The following ZNF704 variants were observed in gnomAD, a reference collection of about 807,000 sequenced individuals.
ZNF704 encodes the protein zinc finger protein 704.
ZNF704 carries 10 observed loss-of-function variants against 44.7 expected under a neutral mutation model. The observed-to-expected ratio is 0.22, with a 90% CI of 0.14 to 0.38. The LOEUF (loss-of-function observed/expected upper bound fraction) is 0.38. Among genes scored for constraint, ZNF704 ranks in the 10% least tolerant of loss-of-function variants. ZNF704 has a pLI of 1.00. For synonymous variants in ZNF704, 211 were observed against 207.6 expected (o/e 1.02, Z -0.14); for missense variants, 390 against 545.5 (o/e 0.71, Z 2.84).
intron 7 of ZNF704, among the ~76,000 whole-genome samples, chr8:80,656,741 G>A (rs1329674871): frequency 6.6e-6 from 1 of 152,170 alleles, no homozygotes; most frequent in East Asian, 1.9e-4. Context: ...TCTAGGAAGT[G>A]TACAAAAGTA....
intron 4 of ZNF704, among the ~76,000 whole-genome samples, chr8:80,676,923 C>G (rs775011596): frequency 6.6e-6 from 1 of 152,160 alleles, no homozygotes; most frequent in Non-Finnish European, 1.5e-5. Flanking sequence ...TGCTGTGTGG[C>G]GGGGTTCCTA....
chr8:80,822,245 T>G (rs1263888367), intron 1 of ZNF704, among the ~76,000 whole-genome samples: 1 of 152,018 alleles, frequency 6.6e-6, no homozygotes, highest in Non-Finnish European at 1.5e-5. Context: ...ACATTAGGTA[T>G]ATCTCCTAAT....
chr8:80,644,702 G>A (rs1352814133), intron 7 of ZNF704, among the ~76,000 whole-genome samples: 1 of 152,192 alleles, frequency 6.6e-6, no homozygotes, highest in Non-Finnish European at 1.5e-5. Flanking sequence ...GGCTTCTGGG[G>A]TCACACTCAG....
chr8:80,681,198 G>C (rs994461441), intron 4 of ZNF704, among the ~76,000 whole-genome samples: 2 of 152,080 alleles, frequency 1.3e-5, no homozygotes, highest in Non-Finnish European at 2.9e-5. Context: ...AAGTTTTTTT[G>C]TGGACATGTG....
At chr8:80,780,074 T>C (rs753345173) in intron 2 of ZNF704, among the ~76,000 whole-genome samples, 7 of 151,862 alleles carry the variant, frequency 4.6e-5, no homozygotes, top group Non-Finnish European at 8.8e-5. Flanking sequence ...GTCATGGTGA[T>C]AAGGATGGAG....
intron 2 of ZNF704, among the ~76,000 whole-genome samples, chr8:80,715,654 A>G (rs78283263): frequency 6.6e-6 from 1 of 152,204 alleles, no homozygotes; most frequent in East Asian, 1.9e-4. Context: ...ACTCCTTTGG[A>G]GAACTTTAAA....
intron 7 of ZNF704, chr8:80,645,112 G>A (rs1045515144): frequency 3.7e-5 from 59 of 1,599,092 alleles, no homozygotes; most frequent in Non-Finnish European, 4.9e-5. Context: ...AGCATGACAT[G>A]TCGATACTCA....
chr8:80,670,390 G>T, intron 5 of ZNF704, 113 bp downstream of exon 5: 1 of 739,852 alleles, frequency 1.4e-6, no homozygotes. Flanking sequence ...GGAAGACCAA[G>T]CCAGCCCAGT....
chr8:80,718,707 C>T (rs1345260728), intron 2 of ZNF704, among the ~76,000 whole-genome samples: 2 of 152,172 alleles, frequency 1.3e-5, no homozygotes, highest in Admixed American at 6.5e-5. Context: ...CAACCCACCC[C>T]CAAACAACCT....
intron 1 of ZNF704, among the ~76,000 whole-genome samples, chr8:80,836,592 C>A (rs1191095589): frequency 6.6e-6 from 1 of 151,886 alleles, no homozygotes; most frequent in Non-Finnish European, 1.5e-5. Context: ...GCCTGGGAAA[C>A]CTGGCAACCC....
rs1463549024 is a variant in ZNF704, at chr8:80,632,351, G to A, written c.*9015C>T. On this transcript the variant is annotated 3_prime_UTR_variant, in exon 9 of 9. Transcript: ENST00000327835. ...ATTTTTGTATTTTTAGTAAAGACAG[G>A]GTTTCCCTCTTTCTTCTTTTGTTTT... 1 of 152,094 alleles carries A rather than the reference G, an allele frequency of 6.6e-6. No homozygotes were observed. The highest frequency in any genetic ancestry group is 1.5e-5 in the Non-Finnish European group (1 of 68,046). The allele number at this position is 152,094 out of a possible 1,614,324, so 9.4% of individuals were successfully genotyped here. A position where few individuals can be genotyped will look rare whatever the true frequency, so the allele number is the denominator to read the frequency against.
chr8:80,667,206 G>A (rs569561411), intron 5 of ZNF704, among the ~76,000 whole-genome samples: 4 of 152,284 alleles, frequency 2.6e-5, no homozygotes, highest in African/African-American at 9.6e-5. Context: ...GTGAGAACAG[G>A]GCAGAGGCAA....
chr8:80,725,714 A>G (rs1018276942), intron 2 of ZNF704, among the ~76,000 whole-genome samples: 1 of 152,174 alleles, frequency 6.6e-6, no homozygotes, highest in Non-Finnish European at 1.5e-5. Flanking sequence ...GACTGTACAT[A>G]TAAGTTTTTG....
At chr8:80,797,031 C>T (rs1396705556) in intron 2 of ZNF704, among the ~76,000 whole-genome samples, 1 of 142,034 alleles carries the variant, frequency 7.0e-6, no homozygotes, top group Admixed American at 7.0e-5. Context: ...GAGGGAATAG[C>T]CCAAAAGATA....
intron 2 of ZNF704, among the ~76,000 whole-genome samples, chr8:80,775,091 G>A (rs1807389006): frequency 1.3e-5 from 2 of 152,048 alleles, no homozygotes; most frequent in Admixed American, 1.3e-4. Flanking sequence ...TTCCAAAAGT[G>A]GAAATCTCCT....
chr8:80,770,308 C>T (rs1474472056), intron 2 of ZNF704, among the ~76,000 whole-genome samples: 1 of 152,160 alleles, frequency 6.6e-6, no homozygotes, highest in Non-Finnish European at 1.5e-5. Flanking sequence ...CCTATTATAG[C>T]CAAATCGACT....
intron 2 of ZNF704, among the ~76,000 whole-genome samples, chr8:80,800,541 A>G (rs1200491147): frequency 6.6e-6 from 1 of 152,208 alleles, no homozygotes; most frequent in Non-Finnish European, 1.5e-5. Flanking sequence ...TCAACCCAGA[A>G]TGTCACATCC....
chr8:80,678,520 T>C (rs1818404694), intron 4 of ZNF704, among the ~76,000 whole-genome samples: 1 of 152,166 alleles, frequency 6.6e-6, no homozygotes, highest in African/African-American at 2.4e-5. Context: ...ACCTATAACT[T>C]TGAGCCAATT....
intron 2 of ZNF704, among the ~76,000 whole-genome samples, chr8:80,802,457 G>A (rs554863131): frequency 1.3e-5 from 2 of 152,150 alleles, no homozygotes; most frequent in East Asian, 1.9e-4. Context: ...ACTGGCAAAC[G>A]GAATCCAGCA....
Sources: gnomAD v4.1 joint callset for allele counts (sites outside exome capture counted in the v4.1 genomes callset) on GRCh38, gnomAD v4.1.1 for gene constraint, MANE v1.5 for transcripts, NCBI Gene and HGNC (gene_info 2026-07-23, HGNC 2026-07-21) for gene names.